COQ2: variants seen among roughly 807,000 people sequenced by gnomAD.
COQ2 encodes the protein coenzyme Q2, polyprenyltransferase.
COQ2 carries 25 observed loss-of-function variants against 35.7 expected under a neutral mutation model. That is an observed-to-expected ratio of 0.70 (90% confidence interval 0.51 to 0.98). The LOEUF (loss-of-function observed/expected upper bound fraction) is 0.98. COQ2 is among the 50% of genes least tolerant of loss of function. The pLI, the probability that COQ2 is intolerant of heterozygous loss-of-function variation, is 0.00. For synonymous variants in COQ2, 206 were observed against 186.2 expected, an observed-to-expected ratio of 1.11 and a Z score of -0.86; for missense variants, 488 against 473.5, an observed-to-expected ratio of 1.03 and a Z score of -0.28.
intron 2 of COQ2, among the ~76,000 whole-genome samples, chr4:83,275,466 A>G (rs1735143724): frequency 6.6e-6 from 1 of 151,140 alleles, no homozygotes; most frequent in African/African-American, 2.4e-5. Context: ...GCCCAATGAC[A>G]TTTCCAGATT....
chr4:83,267,867 G>A, intron 5 of COQ2, 93 bp from the exon 6 acceptor site: 1 of 784,254 alleles, frequency 1.3e-6, no homozygotes, highest in South Asian at 1.9e-5. Context: ...GTGTTTTTTT[G>A]TATATTCACA....
intron 2 of COQ2, among the ~76,000 whole-genome samples, chr4:83,275,141 C>T (rs1485147419): frequency 6.6e-6 from 1 of 152,192 alleles, no homozygotes; most frequent in Non-Finnish European, 1.5e-5. Flanking sequence ...AACATCTCTG[C>T]TATCTCAGTG....
In COQ2 at chr4:83,284,594, A is replaced by G. The variant is rs779250579; in HGVS notation, c.171T>C (p.Ser57=). 2.7e-5 allele frequency: 42 copies of G among 1,542,382 alleles called. No individual in the cohort carries two copies. In the South Asian group the frequency reaches 5.0e-4, roughly 18 times the overall value. ...ACPEPRGRQL[S]LSAAAVVDSA... Reference sequence around the variant, plus strand: ...AGTCCACCACCGCCGCCGCGGACAAACTGAGCTGGCGCCCGCGCGGCTCGG... The same window carrying G: ...AGTCCACCACCGCCGCCGCGGACAAGCTGAGCTGGCGCCCGCGCGGCTCGG... Residue 57 remains serine (S), a synonymous_variant, in exon 1 of 7, where the codon AGT becomes AGC. Transcript: ENST00000647002.
At position 83,279,091 on chromosome 4, in the gene COQ2, A is replaced by G. The variant is rs760507800; in HGVS notation, c.277T>C (p.Cys93Arg). ...GCTGCCAAACCAATGCTCCAGGTACATGGTAAATACAGAAGCCAGGTTCCT... is the reference window on the plus strand; with the variant it reads ...GCTGCCAAACCAATGCTCCAGGTACGTGGTAAATACAGAAGCCAGGTTCCT... ...PIGTWLLYLP[C>R]TWSIGLAAEP... is the part of the protein sequence containing the mutation. Residue 93 changes from cysteine (C) to arginine (R), a missense_variant, in exon 2 of 7, where the codon TGT (cysteine) becomes CGT (arginine). Coordinates refer to ENST00000647002, the MANE Select transcript of COQ2 (RefSeq NM_001358921.2). 13 of 1,584,366 alleles carry G rather than the reference A, an allele frequency of 8.2e-6. No homozygotes were observed. The highest frequency in any genetic ancestry group is 1.1e-5 in the Non-Finnish European group (13 of 1,165,736).
intron 2 of COQ2, among the ~76,000 whole-genome samples, chr4:83,276,027 TTTATATAATATATAAAATATA>T: frequency 4.3e-5 from 1 of 23,008 alleles, no homozygotes; most frequent in Non-Finnish European, 1.7e-4. Flanking sequence ...AATATATATT[TTTATATAATATATAAAATATA>T]TATTATATAT....
chr4:83,267,422 T>C (rs1734946285), intron 6 of COQ2, among the ~76,000 whole-genome samples, 164 bp downstream of exon 6: 1 of 152,152 alleles, frequency 6.6e-6, no homozygotes, highest in South Asian at 2.1e-4. Context: ...GCTAGCTTTC[T>C]TATAAGTTGA....
In COQ2 at chr4:83,284,620, G is replaced by A; in HGVS notation, c.145C>T (p.Pro49Ser). ...HGGDLQPPAC[P>S]EPRGRQLSLS... The stretch of plus-strand genomic sequence containing the variant: ...CTGAGCTGGCGCCCGCGCGGCTCGG[G>A]ACAGGCGGGGGGCTGCAAGTCACCA... Residue 49 changes from proline (P) to serine (S), a missense_variant, in exon 1 of 7, where the codon CCC becomes TCC. By Grantham distance (74) the Pro-to-Ser change is moderately conservative (BLOSUM62 -1). Transcript: ENST00000647002. 1 of 1,524,044 alleles carries A rather than the reference G, an allele frequency of 6.6e-7. No homozygotes were observed. 94.4% of individuals were successfully genotyped at this position (1,524,044 alleles called of 1,614,324 possible).
chr4:83,264,630 ACT>A (rs1560490824), intron 6 of COQ2, among the ~76,000 whole-genome samples: 1 of 151,664 alleles, frequency 6.6e-6, no homozygotes, highest in Non-Finnish European at 1.5e-5. Context: ...AGAGAGTGAG[ACT>A]CTATCTCAAA....
chr4:83,271,626 A>T (rs1254063480), intron 4 of COQ2, among the ~76,000 whole-genome samples: 1 of 152,210 alleles, frequency 6.6e-6, no homozygotes, highest in African/African-American at 2.4e-5. Flanking sequence ...CAGCCTGGGC[A>T]ACATGGCGAA....
At chr4:83,278,834 T>A (rs941813807) in intron 2 of COQ2, 114 bp downstream of exon 2, 2 of 1,164,032 alleles carry the variant, frequency 1.7e-6, no homozygotes, top group Admixed American at 7.3e-5. Flanking sequence ...CCATGCTGGA[T>A]TTCTGTGGTC....
intron 1 of COQ2, 32 bp from the exon 2 acceptor site, chr4:83,279,146 A>C: frequency 6.6e-7 from 1 of 1,517,244 alleles, no homozygotes; most frequent in African/African-American, 1.4e-5. Flanking sequence ...AAAAAGGTAC[A>C]AATTTAAGTC....
intron 1 of COQ2, among the ~76,000 whole-genome samples, chr4:83,282,091 C>T (rs1030724284): frequency 2.0e-5 from 3 of 151,830 alleles, no homozygotes; most frequent in African/African-American, 7.3e-5. Context: ...AAGGGAAAAA[C>T]TCTATGGGAG....
intron 1 of COQ2, chr4:83,283,928 G>A (rs1735387699): frequency 1.0e-6 from 1 of 985,348 alleles, no homozygotes; most frequent in Non-Finnish European, 1.2e-6. Flanking sequence ...CGCTGTCCCT[G>A]CTGCGTTCAA....
intron 1 of COQ2, among the ~76,000 whole-genome samples, chr4:83,281,164 A>G (rs1353178890): frequency 6.6e-6 from 1 of 152,196 alleles, no homozygotes; most frequent in Non-Finnish European, 1.5e-5. Flanking sequence ...GGTTTAAGTA[A>G]AACACAGTAG....
At chr4:83,267,211 A>C (rs775478212) in intron 6 of COQ2, 4 of 453,300 alleles carry the variant, frequency 8.8e-6, no homozygotes, top group South Asian at 6.2e-5. Context: ...CCCCATTTCT[A>C]CAAAAAATAA....
Position 83,284,797 on chromosome 4 carries a change from A to G in COQ2, c.-33T>C, listed in dbSNP as rs1167939334. 3.2e-6 allele frequency: 5 copies of G among 1,570,198 alleles called. No individual in the cohort carries two copies. Among genetic ancestry groups the G allele is most frequent in the Non-Finnish European group, 3.4e-6 (4 of 1,165,296 alleles). ...GTGAGGCCGGGACGAGCTCGGATTG[A>G]CGTCATTCCCCGGCAGGCATGCGCA... is the stretch of plus-strand genomic sequence containing the variant. On this transcript the variant is annotated 5_prime_UTR_variant, in exon 1 of 7. Coordinates refer to ENST00000647002, the MANE Select transcript of COQ2 (RefSeq NM_001358921.2).
Position 83,284,714 on chromosome 4 carries a change from T to C in COQ2, c.51A>G (p.Ala17=), listed in dbSNP as rs1735421979. ...CCCGCCAGCCCGGCAGCCACGCCAG[T>C]GCCACAGCCCGCAGGCCCCGCGCGA... is the stretch of plus-strand genomic sequence containing the variant. ...AGFARGLRAV[A]LAWLPGWRGR... is the part of the protein sequence containing the mutation. The change falls in exon 1 of 7, where the codon GCA becomes GCG. Residue 17 remains alanine (A), a synonymous_variant. Coordinates refer to ENST00000647002, the MANE Select transcript of COQ2 (RefSeq NM_001358921.2). 2 of 1,502,198 alleles carry C rather than the reference T, an allele frequency of 1.3e-6. No homozygotes were observed. Among genetic ancestry groups the C allele is most frequent in the East Asian group, 2.8e-5 (1 of 36,102 alleles). 93.1% of individuals were successfully genotyped at this position (1,502,198 alleles called of 1,614,324 possible).
At chr4:83,275,688 A>G (rs897884096) in intron 2 of COQ2, among the ~76,000 whole-genome samples, 2 of 152,066 alleles carry the variant, frequency 1.3e-5, no homozygotes, top group South Asian at 4.1e-4. Flanking sequence ...AGAAGTCAAA[A>G]TCTATGTAAT....
At chr4:83,276,354 C>T (rs1017492796) in intron 2 of COQ2, among the ~76,000 whole-genome samples, 5 of 152,014 alleles carry the variant, frequency 3.3e-5, no homozygotes, top group Non-Finnish European at 7.4e-5. Context: ...GGTCTGTTTG[C>T]TCTGTTGATT....
Sources: gnomAD v4.1 joint callset for allele counts (sites outside exome capture counted in the v4.1 genomes callset) on GRCh38, gnomAD v4.1.1 for gene constraint, MANE v1.5 for transcripts, NCBI Gene and HGNC (gene_info 2026-07-23, HGNC 2026-07-21) for gene names.